Variants in BRCA1 observed in about 807,000 individuals in gnomAD.
BRCA1 encodes the protein breast cancer type 1 susceptibility protein.
A neutral mutation model predicts 173.7 loss-of-function variants in BRCA1; 140 were observed. The observed-to-expected ratio is 0.81, with a 90% CI of 0.70 to 0.93. BRCA1 has a LOEUF of 0.93. BRCA1 is among the 40% of genes least tolerant of loss of function. The probability of loss-of-function intolerance (pLI) is 0.00; values close to 1 mark genes in which losing one functional copy is unlikely to be tolerated. For synonymous variants in BRCA1, 662 were observed against 756.0 expected (o/e 0.88, Z 2.04); for missense variants, 1,983 against 2,172.5 (o/e 0.91, Z 1.73).
intron 6 of BRCA1, among the ~76,000 whole-genome samples, chr17:43,103,487 A>T (rs1390179102): frequency 1.3e-5 from 2 of 151,428 alleles, no homozygotes; most frequent in African/African-American, 4.9e-5. Context: ...AAAAAAAAGA[A>T]ATCTGTCTTT....
At chr17:43,067,965 A>G (rs934255365) in intron 15 of BRCA1, among the ~76,000 whole-genome samples, 10 of 150,460 alleles carry the variant, frequency 6.6e-5, no homozygotes, top group Admixed American at 2.7e-4. Flanking sequence ...GAAAGGGTAC[A>G]TTTAAAAAAT....
At chr17:43,083,959 G>A (rs967509244) in intron 11 of BRCA1, among the ~76,000 whole-genome samples, 2 of 151,848 alleles carry the variant, frequency 1.3e-5, no homozygotes, top group South Asian at 4.1e-4. Flanking sequence ...CGCCTACCTG[G>A]TTCAAGCAAT....
intron 22 of BRCA1, among the ~76,000 whole-genome samples, chr17:43,046,432 C>T (rs1270118539): frequency 1.3e-5 from 2 of 150,902 alleles, no homozygotes; most frequent in Non-Finnish European, 3.0e-5. Context: ...GAGTCTCACT[C>T]TGTCACTCAG....
chr17:43,161,009 A>G (rs1367699447), intron 1 of BRCA1: 1 of 152,188 alleles, frequency 6.6e-6, no homozygotes, highest in African/African-American at 2.4e-5. Context: ...AATCCATGCC[A>G]CACTTGCACG....
chr17:43,154,450 C>T lies in BRCA1; in HGVS notation c.-20+15676G>A, dbSNP rs2056183327. Among the ~76,000 whole-genome samples the T allele has an allele frequency of 3.9e-5, 6 of 152,134 alleles. No homozygotes were observed. The South Asian group carries it at 1.2e-3, about 32-fold the overall frequency. On this transcript the variant is annotated intron_variant, in intron 1 of 7. Coordinates refer to the BRCA1 transcript ENST00000634433. ...AGTGAGCCAAGATTGCCCCACTGCA[C>T]TCCAGCTTGGGTGACAGAGCTAGAC...
chr17:43,139,692 A>G (rs771443800), intron 1 of BRCA1: 1 of 350,730 alleles, frequency 2.9e-6, no homozygotes, highest in African/African-American at 2.2e-5. Flanking sequence ...CCCTCCTCCC[A>G]CCCTTCACCC....
chr17:43,065,593 G>C (rs2052033443), intron 16 of BRCA1, among the ~76,000 whole-genome samples: 1 of 152,326 alleles, frequency 6.6e-6, no homozygotes, highest in Non-Finnish European at 1.5e-5. Context: ...GAACCCGGGA[G>C]GGGGAGGTTG....
intron 3 of BRCA1, among the ~76,000 whole-genome samples, chr17:43,107,933 C>G (rs1313958872): frequency 6.6e-6 from 1 of 151,988 alleles, no homozygotes; most frequent in Non-Finnish European, 1.5e-5. Context: ...AAATAAGATC[C>G]TGCAAAATAA....
intron 1 of BRCA1, among the ~76,000 whole-genome samples, chr17:43,145,878 TA>T (rs564670280): frequency 4.9e-4 from 75 of 152,340 alleles, no homozygotes; most frequent in African/African-American, 1.7e-3. Context: ...TTAGTTTTTA[TA>T]TCCTGTAATA....
intron 2 of BRCA1, among the ~76,000 whole-genome samples, chr17:43,117,049 GTACTCTTATTAGA>G (rs1334030308): frequency 6.6e-6 from 1 of 152,138 alleles, no homozygotes; most frequent in Non-Finnish European, 1.5e-5. Context: ...ATGGTACTGT[GTACTCTTATTAGA>G]TCACTTCAGA....
chr17:43,102,698 G>A (rs375177224), intron 6 of BRCA1, among the ~76,000 whole-genome samples: 1 of 149,532 alleles, frequency 6.7e-6, no homozygotes, highest in Non-Finnish European at 1.5e-5. Flanking sequence ...TGCCGCCCAC[G>A]CTGAAGTGCA....
intron 3 of BRCA1, among the ~76,000 whole-genome samples, chr17:43,110,303 C>T (rs1297416009): frequency 6.6e-6 from 1 of 152,136 alleles, no homozygotes; most frequent in Non-Finnish European, 1.5e-5. Flanking sequence ...AACTAAAATA[C>T]TGGCCAGGCA....
intron 1 of BRCA1, among the ~76,000 whole-genome samples, chr17:43,169,162 T>C (rs2056295238): frequency 6.6e-6 from 1 of 152,132 alleles, no homozygotes; most frequent in South Asian, 2.1e-4. Flanking sequence ...TCTTCTCATA[T>C]ATACCAGCCG....
At chr17:43,168,621 A>C (rs181236128) in intron 1 of BRCA1, among the ~76,000 whole-genome samples, 139 of 152,368 alleles carry the variant, frequency 9.1e-4, no homozygotes, top group African/African-American at 3.3e-3. Context: ...CCTGGGCAAC[A>C]AGAGCGAAGC....
intron 2 of BRCA1, among the ~76,000 whole-genome samples, chr17:43,119,520 C>T (rs571659138): frequency 6.6e-6 from 1 of 152,290 alleles, no homozygotes; most frequent in East Asian, 1.9e-4. Flanking sequence ...CTGCCAGACT[C>T]CTTGGGCTAT....
intron 2 of BRCA1, among the ~76,000 whole-genome samples, chr17:43,122,173 T>A (rs1171571773): frequency 6.6e-6 from 1 of 152,202 alleles, no homozygotes; most frequent in Non-Finnish European, 1.5e-5. Context: ...TCTGATTAAC[T>A]TGACTTCAAA....
chr17:43,100,641 T>G, intron 6 of BRCA1, among the ~76,000 whole-genome samples: 1 of 64,848 alleles, frequency 1.5e-5, no homozygotes, highest in Non-Finnish European at 2.7e-5. Context: ...GTTATATATA[T>G]ATAACATATA....
intron 1 of BRCA1, among the ~76,000 whole-genome samples, chr17:43,153,091 G>A (rs1018523378): frequency 1.3e-5 from 2 of 152,036 alleles, no homozygotes; most frequent in African/African-American, 4.8e-5. Context: ...GGTTAAGAGC[G>A]AAGGGAAGGA....
chr17:43,050,641 C>T (rs548055373), intron 20 of BRCA1, among the ~76,000 whole-genome samples: 19 of 151,098 alleles, frequency 1.3e-4, no homozygotes, highest in South Asian at 8.5e-4. Context: ...AAATGTTCAC[C>T]GAGAATCTTC....
Sources: gnomAD v4.1 joint callset for allele counts (sites outside exome capture counted in the v4.1 genomes callset) on GRCh38, gnomAD v4.1.1 for gene constraint, MANE v1.5 for transcripts, NCBI Gene and HGNC (gene_info 2026-07-23, HGNC 2026-07-21) for gene names.